FBXL8: variants seen among roughly 807,000 people sequenced by gnomAD.
FBXL8 encodes the protein F-box/LRR-repeat protein 8.
In FBXL8, 13 loss-of-function variants were observed where a neutral mutation model predicts 8.2. The ratio of observed to expected loss-of-function variants is 1.58; its 90% CI spans 1.03 to 2.51. The LOEUF (loss-of-function observed/expected upper bound fraction) is 2.51. FBXL8 is among the 30% of genes most tolerant of loss of function. The pLI, the probability that FBXL8 is intolerant of heterozygous loss-of-function variation, is 0.00. For missense variants in FBXL8, 565 were observed against 540.4 expected (o/e 1.05, Z -0.45); for synonymous variants, 271 against 260.5 (o/e 1.04, Z -0.39).
In FBXL8 at chr16:67,163,319, C is replaced by T. The variant is rs768222262; in HGVS notation, c.624C>T (p.Leu208=). 2.5e-6 allele frequency: 4 copies of T among 1,573,930 alleles called. No homozygotes were observed. The highest frequency in any genetic ancestry group is 2.3e-5 in the East Asian group (1 of 43,366). ...LHLASLSHAI[L]EALAAPDRAP... Reference sequence around the variant, plus strand: ...TAGCCAGTTTGTCGCACGCCATCCTCGAAGCACTGGCGGCGCCAGACCGAG... The same window carrying T: ...TAGCCAGTTTGTCGCACGCCATCCTTGAAGCACTGGCGGCGCCAGACCGAG... Residue 208 remains leucine (L), a synonymous_variant, in exon 3 of 3, where the codon CTC becomes CTT. Transcript: ENST00000258200.
chr16:67,163,656 G>A lies in FBXL8; in HGVS notation c.961G>A (p.Glu321Lys), dbSNP rs777253809. ...TTCGGCCGAGCTGAACGCCGCGCTG[G>A]AGGAGCTGGCGGCGCGCTGCGCGGC... ...AASAELNAAL[E>K]ELAARCAALR... Residue 321 changes from glutamate to lysine, a missense_variant, in exon 3 of 3, where the codon GAG becomes AAG. Glu to Lys is a moderately conservative substitution (Grantham distance 56). Coordinates refer to ENST00000258200, the MANE Select transcript of FBXL8 (RefSeq NM_018378.3). The A allele has an allele frequency of 6.4e-7, 1 of 1,572,400 alleles. No homozygotes were observed.
At position 67,163,004 on chromosome 16, in the gene FBXL8, G is replaced by A; in HGVS notation, c.309G>A (p.Leu103=). The change falls in exon 3 of 3, where the codon CTG becomes CTA. Residue 103 remains leucine, a synonymous_variant. Coordinates refer to ENST00000258200, the MANE Select transcript of FBXL8 (RefSeq NM_018378.3). ...TTCTGGCGGGCCGTGCCCCGGGGCTGCGAGGCCTGCGCCTGGAGTGCCGCG... is the reference window on the plus strand; with the variant it reads ...TTCTGGCGGGCCGTGCCCCGGGGCTACGAGGCCTGCGCCTGGAGTGCCGCG... ...LMVLAGRAPG[L]RGLRLECRGE... The A allele has an allele frequency of 1.9e-6, 3 of 1,554,828 alleles. No individual in the cohort carries two copies. The highest frequency in any genetic ancestry group is 2.6e-6 in the Non-Finnish European group (3 of 1,149,334).
In FBXL8 at chr16:67,162,900, G is replaced by A; in HGVS notation, c.205G>A (p.Asp69Asn). Residue 69 changes from aspartate to asparagine, a missense_variant, in exon 3 of 3, where the codon GAC (aspartate) becomes AAC (asparagine). By Grantham distance (23) the Asp-to-Asn change is conservative. Transcript: ENST00000258200. ...MLPPYLSACL[D>N]HIHNLRLEFE... ...GCCACCTTATCTGTCCGCCTGCCTC[G>A]ACCACATTCACAACCTACGGCTGGA... is the stretch of plus-strand genomic sequence containing the variant. 1.9e-6 allele frequency: 3 copies of A among 1,552,618 alleles called. No individual in the cohort carries two copies. The highest frequency in any genetic ancestry group is 2.6e-6 in the Non-Finnish European group (3 of 1,147,580).
At chr16:67,161,981 C>T (rs546910162) in intron 2 of FBXL8, 44 bp downstream of exon 2, 4 of 1,546,044 alleles carry the variant, frequency 2.6e-6, no homozygotes, top group Non-Finnish European at 3.5e-6. Context: ...GCCCACTCAC[C>T]TTCTCCGTGG....
Position 67,162,847 on chromosome 16 carries a change from G to A in FBXL8, c.153-1G>A, listed in dbSNP as rs779462798. 1.9e-5 allele frequency: 30 copies of A among 1,551,026 alleles called. No individual in the cohort carries two copies. The highest frequency in any genetic ancestry group is 2.5e-5 in the Non-Finnish European group (29 of 1,147,032). The stretch of plus-strand genomic sequence containing the variant: ...CCTTTTCTGCACGGCTCTAACCCAA[G>A]TTGCGAATGTGAGCTGGAAGGCATG... On this transcript the variant is annotated splice_acceptor_variant, in intron 2 of 2. Coordinates refer to ENST00000258200, the MANE Select transcript of FBXL8 (RefSeq NM_018378.3). LOFTEE classifies it high-confidence loss of function.
At chr16:67,162,491 A>T (rs1490005488) in intron 2 of FBXL8, 1 of 660,418 alleles carries the variant, frequency 1.5e-6, no homozygotes, top group African/African-American at 1.8e-5. Flanking sequence ...TGAGGCAAAG[A>T]GACTTAATCA....
At chr16:67,161,686 T>C in intron 1 of FBXL8, 49 bp from the exon 2 acceptor site, 1 of 1,406,320 alleles carries the variant, frequency 7.1e-7, no homozygotes, top group Non-Finnish European at 9.4e-7. Flanking sequence ...TCGGTCTTCC[T>C]GCAACACTTT....
In FBXL8 at chr16:67,163,001, G is replaced by A. The variant is rs1332933304; in HGVS notation, c.306G>A (p.Gly102=). 6.4e-7 allele frequency: 1 copy of A among 1,555,602 alleles called. No individual in the cohort carries two copies. Among genetic ancestry groups the A allele is most frequent in the East Asian group, 2.4e-5 (1 of 41,238 alleles). ...LLMVLAGRAP[G]LRGLRLECRG... ...TGGTTCTGGCGGGCCGTGCCCCGGGGCTGCGAGGCCTGCGCCTGGAGTGCC... is the reference window on the plus strand; with the variant it reads ...TGGTTCTGGCGGGCCGTGCCCCGGGACTGCGAGGCCTGCGCCTGGAGTGCC... The change falls in exon 3 of 3, where the codon GGG becomes GGA. Residue 102 remains glycine, a synonymous_variant. Transcript: ENST00000258200.
intron 2 of FBXL8, 63 bp from the exon 3 acceptor site, chr16:67,162,785 A>G (rs981928256): frequency 3.2e-6 from 5 of 1,547,680 alleles, no homozygotes; most frequent in Non-Finnish European, 3.5e-6. Flanking sequence ...AGGGGTGGGT[A>G]GAGGCTTCTC....
At position 67,164,055 on chromosome 16, in the gene FBXL8, CT is replaced by C. The variant is rs1567667110; in HGVS notation, c.*236del. 1.4e-6 allele frequency: 1 copy of C among 710,364 alleles called. No homozygotes were observed. Among genetic ancestry groups the C allele is most frequent in the East Asian group, 2.7e-5 (1 of 37,004 alleles). 44.0% of individuals were successfully genotyped at this position (710,364 alleles called of 1,614,324 possible). A position where few individuals can be genotyped will look rare whatever the true frequency, so the allele number is the denominator to read the frequency against. ...GCTCGGTCCTGGACACACTGCCCCCCTCTCTTGCCTCCACCCCTCTGCGGAC... is the reference window on the plus strand; with the variant it reads ...GCTCGGTCCTGGACACACTGCCCCCCCTCTTGCCTCCACCCCTCTGCGGAC... On this transcript the variant is annotated 3_prime_UTR_variant, in exon 3 of 3. Transcript: ENST00000258200.
Position 67,163,040 on chromosome 16 carries a change from G to C in FBXL8, c.345G>C (p.Pro115=), listed in dbSNP as rs778357460. The change falls in exon 3 of 3, where the codon CCG becomes CCC. Residue 115 remains proline (P), a synonymous_variant. Transcript: ENST00000258200. ...GLRLECRGEK[P]LFDAGRDVLE... ...GCCTGGAGTGCCGCGGAGAAAAACC[G>C]CTCTTCGACGCGGGCCGCGACGTCC... 2 of 1,564,148 alleles carry C rather than the reference G, an allele frequency of 1.3e-6. No homozygotes were observed. Among genetic ancestry groups the C allele is most frequent in the Non-Finnish European group, 1.7e-6 (2 of 1,154,036 alleles).
Position 67,163,235 on chromosome 16 carries a change from C to A in FBXL8, c.540C>A (p.Pro180=). Reference sequence around the variant, plus strand: ...GTACCCTAGTGGGCAGCGTGGGTCCCGGCTCAGTGCTCGAGCTACTGGAGG... The same window carrying A: ...GTACCCTAGTGGGCAGCGTGGGTCCAGGCTCAGTGCTCGAGCTACTGGAGG... ...DNSTLVGSVG[P]GSVLELLEAC... Residue 180 remains proline (P), a synonymous_variant, in exon 3 of 3, where the codon CCC becomes CCA. Transcript: ENST00000258200. The A allele has an allele frequency of 1.9e-6, 3 of 1,566,306 alleles. No individual in the cohort carries two copies. The highest frequency in any genetic ancestry group is 2.6e-6 in the Non-Finnish European group (3 of 1,156,596).
chr16:67,162,402 T>C (rs1318973381), intron 2 of FBXL8: 6 of 592,768 alleles, frequency 1.0e-5, no homozygotes, highest in Non-Finnish European at 1.8e-5. Context: ...GCCTTACATA[T>C]ATTAACTAAT....
In FBXL8 at chr16:67,162,887, G is replaced by A; in HGVS notation, c.192G>A (p.Leu64=). 1 of 1,551,546 alleles carries A rather than the reference G, an allele frequency of 6.4e-7. No individual in the cohort carries two copies. The highest frequency in any genetic ancestry group is 8.7e-7 in the Non-Finnish European group (1 of 1,147,122). ...CELEGMLPPY[L]SACLDHIHNL... is the part of the protein sequence containing the mutation. The stretch of plus-strand genomic sequence containing the variant: ...TGGAAGGCATGCTGCCACCTTATCT[G>A]TCCGCCTGCCTCGACCACATTCACA... The change falls in exon 3 of 3, where the codon CTG becomes CTA. Residue 64 remains leucine (L), a synonymous_variant. Coordinates refer to ENST00000258200, the MANE Select transcript of FBXL8 (RefSeq NM_018378.3).
In FBXL8 at chr16:67,163,990, A is replaced by G. The variant is rs1316078196; in HGVS notation, c.*170A>G. 7.2e-6 allele frequency: 7 copies of G among 975,124 alleles called. No homozygotes were observed. Among genetic ancestry groups the G allele is most frequent in the Non-Finnish European group, 6.3e-6 (4 of 636,624 alleles). The allele number at this position is 975,124 out of a possible 1,614,324, so 60.4% of individuals were successfully genotyped here. A position where few individuals can be genotyped will look rare whatever the true frequency, so the allele number is the denominator to read the frequency against. The stretch of plus-strand genomic sequence containing the variant: ...ATCGGGACCAGTCCTGGGCGCCCTG[A>G]GACCACTCGCTGCTCTCACCCTCTG... On this transcript the variant is annotated 3_prime_UTR_variant, in exon 3 of 3. Transcript: ENST00000258200.
Position 67,163,512 on chromosome 16 carries a change from C to T in FBXL8, c.817C>T (p.Pro273Ser). Residue 273 changes from proline (P) to serine (S), a missense_variant, in exon 3 of 3, where the codon CCA (proline) becomes TCA (serine). Transcript: ENST00000258200. ...TGAGAGCGTGACGCGCGTCCTGCAG[C>T]CAGCCGTCCCCGTGGCTGCGCTGCG... is the stretch of plus-strand genomic sequence containing the variant. ...PAESVTRVLQ[P>S]AVPVAALRLN... is the part of the protein sequence containing the mutation. The T allele has an allele frequency of 6.5e-7, 1 of 1,550,036 alleles. No individual in the cohort carries two copies. Among genetic ancestry groups the T allele is most frequent in the Non-Finnish European group, 8.7e-7 (1 of 1,155,494 alleles).
rs1470372882 is a variant in FBXL8, at chr16:67,164,139, T to C, written c.*319T>C. On this transcript the variant is annotated 3_prime_UTR_variant, in exon 3 of 3. Transcript: ENST00000258200. ...GGAGGGCACGGGCGCGGGCCGGGCC[T>C]CAAGGGTGAGTGTGAAATAAACAAA... The C allele has an allele frequency of 1.6e-6, 1 of 643,936 alleles. No homozygotes were observed. The highest frequency in any genetic ancestry group is 2.2e-5 in the Admixed American group (1 of 44,830). The allele number at this position is 643,936 out of a possible 1,614,324, so 39.9% of individuals were successfully genotyped here.
chr16:67,162,919 G>A lies in FBXL8; in HGVS notation c.224G>A (p.Arg75Gln). 6.4e-7 allele frequency: 1 copy of A among 1,554,868 alleles called. No individual in the cohort carries two copies. The highest frequency in any genetic ancestry group is 8.7e-7 in the Non-Finnish European group (1 of 1,148,940). ...TGCCTCGACCACATTCACAACCTAC[G>A]GCTGGAATTTGAGCCATCGAGGAAG... is the stretch of plus-strand genomic sequence containing the variant. ...SACLDHIHNL[R>Q]LEFEPSRKPS... is the part of the protein sequence containing the mutation. Residue 75 changes from arginine (R) to glutamine (Q), a missense_variant, in exon 3 of 3, where the codon CGG becomes CAG. Transcript: ENST00000258200.
Position 67,163,568 on chromosome 16 carries a change from A to G in FBXL8, c.873A>G (p.Pro291=), listed in dbSNP as rs780150430. ...RLNLSGDTVG[P]VRFAAHHYAA... is the part of the protein sequence containing the mutation. ...ACCTCTCAGGCGACACCGTAGGCCCAGTGCGCTTCGCAGCACACCACTACG... is the reference window on the plus strand; with the variant it reads ...ACCTCTCAGGCGACACCGTAGGCCCGGTGCGCTTCGCAGCACACCACTACG... The change falls in exon 3 of 3, where the codon CCA becomes CCG. Residue 291 remains proline (P), a synonymous_variant. Transcript: ENST00000258200. 3.8e-6 allele frequency: 6 copies of G among 1,581,058 alleles called. No individual in the cohort carries two copies. Among genetic ancestry groups the G allele is most frequent in the South Asian group, 1.1e-5 (1 of 88,946 alleles).
Sources: gnomAD v4.1 joint callset for allele counts on GRCh38, gnomAD v4.1.1 for gene constraint, MANE v1.5 for transcripts, NCBI Gene and HGNC (gene_info 2026-07-23, HGNC 2026-07-21) for gene names.